The following COPG2 variants were observed in gnomAD, a reference collection of about 807,000 sequenced individuals.
COPG2 encodes coatomer subunit gamma-2.
Under a neutral mutation model 46.3 loss-of-function variants are expected in COPG2, and 37 were observed. That is an observed-to-expected ratio of 0.80 (90% CI 0.61 to 1.05). COPG2 has a LOEUF of 1.05. Among genes scored for constraint, COPG2 ranks in the 50% least tolerant of loss-of-function variants. COPG2 has a pLI of 0.00. For missense variants in COPG2, 427 were observed against 387.8 expected, an observed-to-expected ratio of 1.10 and a Z score of -0.85; for synonymous variants, 159 against 129.7, an observed-to-expected ratio of 1.23 and a Z score of -1.53.
Position 130,506,731 on chromosome 7 carries a change from G to A in COPG2, c.2561C>T (p.Thr854Ile). 1 of 780,576 alleles carries A rather than the reference G, an allele frequency of 1.3e-6. No individual in the cohort carries two copies. Among genetic ancestry groups the A allele is most frequent in the Non-Finnish European group, 2.4e-6 (1 of 417,762 alleles). 48.4% of individuals were successfully genotyped at this position (780,576 alleles called of 1,614,324 possible). A position where few individuals can be genotyped will look rare whatever the true frequency, so the allele number is the denominator to read the frequency against. Residue 854 changes from threonine to isoleucine, a missense_variant, in exon 24 of 24, where the codon ACT (threonine) becomes ATT (isoleucine). Physicochemically the swap from Thr to Ile is moderately conservative, Grantham distance 89. Coordinates refer to ENST00000425248, the MANE Select transcript of COPG2 (RefSeq NM_012133.6). ...ALADGVTMQV[T>I]VRSKERTPVD... is the part of the protein sequence containing the mutation. ...AGGTGTTCTCTCTTTACTTCTGACA[G>A]TCACCTGCATGGTCACTCCATCGGC...
chr7:130,662,609 C>A (rs1796000342), intron 4 of COPG2, among the ~76,000 whole-genome samples: 1 of 152,210 alleles, frequency 6.6e-6, no homozygotes, highest in African/African-American at 2.4e-5. Context: ...TTCTTCTCAA[C>A]TGCCAGCACT....
chr7:130,566,643 G>A (rs1419404379), intron 9 of COPG2, among the ~76,000 whole-genome samples: 1 of 152,142 alleles, frequency 6.6e-6, no homozygotes, highest in Non-Finnish European at 1.5e-5. Flanking sequence ...TACAGGCTGG[G>A]GCAATTTTAG....
chr7:130,534,990 G>A (rs1208964919), intron 20 of COPG2, among the ~76,000 whole-genome samples: 9 of 152,186 alleles, frequency 5.9e-5, no homozygotes, highest in Non-Finnish European at 8.8e-5. Flanking sequence ...AAAGGCAGCC[G>A]TAAGGGAAGG....
chr7:130,550,712 C>G (rs1026089446), intron 16 of COPG2, 63 bp from the exon 17 acceptor site: 1 of 388,996 alleles, frequency 2.6e-6, no homozygotes, highest in Non-Finnish European at 4.5e-6. Flanking sequence ...CCAAATAGGC[C>G]CAGGTTTGTA....
At chr7:130,538,557 T>C (rs898259968) in intron 20 of COPG2, among the ~76,000 whole-genome samples, 1 of 151,390 alleles carries the variant, frequency 6.6e-6, no homozygotes, top group Non-Finnish European at 1.5e-5. Flanking sequence ...AGTGGATCCT[T>C]AGGAAAGGAA....
intron 5 of COPG2, among the ~76,000 whole-genome samples, chr7:130,619,525 T>G: frequency 6.6e-6 from 1 of 152,312 alleles, no homozygotes; most frequent in East Asian, 1.9e-4. Context: ...CAAATTTTTG[T>G]TAGTATTATT....
intron 9 of COPG2, among the ~76,000 whole-genome samples, chr7:130,573,816 A>T (rs550058106): frequency 6.6e-6 from 1 of 152,168 alleles, no homozygotes; most frequent in Non-Finnish European, 1.5e-5. Context: ...TTCAACCACA[A>T]TGGTTGAACT....
intron 5 of COPG2, among the ~76,000 whole-genome samples, chr7:130,622,858 G>T (rs979210480): frequency 6.6e-6 from 1 of 152,174 alleles, no homozygotes; most frequent in African/African-American, 2.4e-5. Flanking sequence ...AGGCAAGAAA[G>T]CACCAAAATA....
intron 20 of COPG2, among the ~76,000 whole-genome samples, chr7:130,535,747 A>T (rs1351211146): frequency 6.7e-6 from 1 of 150,136 alleles, no homozygotes; most frequent in Admixed American, 6.6e-5. Context: ...GGTGGGGTGA[A>T]GTGGGCCAAG....
intron 20 of COPG2, among the ~76,000 whole-genome samples, chr7:130,537,188 G>T (rs1187459045): frequency 1.2e-4 from 18 of 152,254 alleles, no homozygotes; most frequent in Non-Finnish European, 2.4e-4. Context: ...CAGAGGCAGA[G>T]GCTCCCCAGA....
chr7:130,557,838 A>AAAAAAAAAAAAG lies in COPG2; in HGVS notation c.1129-2707_1129-2706insCTTTTTTTTTTT, dbSNP rs1793655354. On this transcript the variant is annotated intron_variant, in intron 12 of 23. Coordinates refer to ENST00000425248, the MANE Select transcript of COPG2 (RefSeq NM_012133.6). ...ATCTCAAAAAAAAAAAAAAAAAAAA[A>AAAAAAAAAAAAG]TCATGCAAGAATAGCCAGGAAAACA... 2.1e-5 allele frequency among the ~76,000 whole-genome samples: 3 copies of AAAAAAAAAAAAG among 140,462 alleles called. 1 individual carries two copies. Among genetic ancestry groups the AAAAAAAAAAAAG allele is most frequent in the Non-Finnish European group, 4.6e-5 (3 of 64,658 alleles). 92.1% of individuals were successfully genotyped at this position (140,462 alleles called of 152,430 possible).
Position 130,663,002 on chromosome 7 carries a change from A to C in COPG2, c.208T>G (p.Phe70Val). The C allele has an allele frequency of 6.5e-7, 1 of 1,549,258 alleles. No individual in the cohort carries two copies. Among genetic ancestry groups the C allele is most frequent in the Non-Finnish European group, 8.7e-7 (1 of 1,149,608 alleles). ...TGAAACAATCGCGTCATTGCAAAGAAGGCTTCTGTAGCTTCCGTTGTTCCA... is the reference window on the plus strand; with the variant it reads ...TGAAACAATCGCGTCATTGCAAAGACGGCTTCTGTAGCTTCCGTTGTTCCA... ...HFGTTEATEA[F>V]FAMTRLFQSN... The change falls in exon 4 of 24, where the codon TTC becomes GTC. Residue 70 changes from phenylalanine (F) to valine (V), a missense_variant. Physicochemically the swap from Phe to Val is conservative, Grantham distance 50 (BLOSUM62 -1). Coordinates refer to ENST00000425248, the MANE Select transcript of COPG2 (RefSeq NM_012133.6).
intron 5 of COPG2, among the ~76,000 whole-genome samples, chr7:130,622,700 T>C (rs782613757): frequency 3.3e-5 from 5 of 152,146 alleles, no homozygotes; most frequent in Non-Finnish European, 5.9e-5. Flanking sequence ...CCATTCTACA[T>C]TTCCTTCCCC....
chr7:130,551,464 C>A (rs1482271577), intron 15 of COPG2, 120 bp from the exon 16 acceptor site: 1 of 391,378 alleles, frequency 2.6e-6, no homozygotes, highest in South Asian at 1.4e-4. Flanking sequence ...AAAAAGTGCT[C>A]AACAATAGCC....
At chr7:130,519,610 AG>A (rs1234227087) in intron 20 of COPG2, among the ~76,000 whole-genome samples, 4 of 152,208 alleles carry the variant, frequency 2.6e-5, no homozygotes, top group African/African-American at 9.6e-5. Context: ...GAAAAGGAGT[AG>A]AAGGGAAATG....
At chr7:130,613,333 G>T (rs2116507669) in intron 7 of COPG2, among the ~76,000 whole-genome samples, 1 of 152,332 alleles carries the variant, frequency 6.6e-6, no homozygotes, top group Admixed American at 6.5e-5. Flanking sequence ...CACCTGCTGT[G>T]CAGCCCAGTT....
Position 130,633,320 on chromosome 7 carries a change from ACT to A in COPG2, c.324-16257_324-16256del, listed in dbSNP as rs1171682903. Among the ~76,000 whole-genome samples the A allele has an allele frequency of 2.0e-5, 3 of 152,302 alleles. No homozygotes were observed. In the East Asian group the frequency reaches 5.8e-4, roughly 29 times the overall value. On this transcript the variant is annotated intron_variant, in intron 5 of 23. Transcript: ENST00000425248. ...TTCTAGATCCTTGAGGAATCGCCAC[ACT>A]GTCTTCCACAATGGTTGAACTAATT...
intron 9 of COPG2, among the ~76,000 whole-genome samples, chr7:130,601,097 C>G (rs1242477973): frequency 2.6e-5 from 4 of 152,156 alleles, no homozygotes; most frequent in Non-Finnish European, 4.4e-5. Flanking sequence ...TAGAGAAACG[C>G]AAATCAAAAC....
At chr7:130,586,537 A>AC (rs1185098282) in intron 9 of COPG2, among the ~76,000 whole-genome samples, 5 of 152,004 alleles carry the variant, frequency 3.3e-5, no homozygotes, top group Non-Finnish European at 7.4e-5. Context: ...ATCTCGGCTC[A>AC]CTGCAAGCTC....
Sources: gnomAD v4.1 joint callset for allele counts (sites outside exome capture counted in the v4.1 genomes callset) on GRCh38, gnomAD v4.1.1 for gene constraint, MANE v1.5 for transcripts, NCBI Gene and HGNC (gene_info 2026-07-23, HGNC 2026-07-21) for gene names.